Variants in CA4 observed in about 807,000 individuals in gnomAD.
CA4 encodes CA-IV.
CA4 carries 24 observed loss-of-function variants against 34.5 expected under a neutral mutation model. The observed-to-expected ratio is 0.70, with a 90% CI of 0.50 to 0.98. The LOEUF (loss-of-function observed/expected upper bound fraction) is 0.98, where lower values mean the gene tolerates loss of function less well. Ranked by LOEUF, CA4 falls within the 50% of genes least tolerant of loss-of-function variation. CA4 has a pLI of 0.00. For synonymous variants in CA4, 178 were observed against 170.6 expected (o/e 1.04, Z -0.34); for missense variants, 394 against 396.7 (o/e 0.99, Z 0.06).
downstream of CA4, among the ~76,000 whole-genome samples, chr17:60,162,316 T>C (rs771663609): frequency 5.9e-5 from 9 of 152,044 alleles, no homozygotes; most frequent in Non-Finnish European, 1.2e-4. Context: ...CATGACGAGC[T>C]TCCTGTTTTT....
chr17:60,150,310 T>C (rs954239594), intron 1 of CA4, among the ~76,000 whole-genome samples: 1 of 152,084 alleles, frequency 6.6e-6, no homozygotes, highest in African/African-American at 2.4e-5. Context: ...TGGGGGAGCG[T>C]GTGCACGGGT....
chr17:60,151,343 T>G (rs2083588630), intron 1 of CA4: 1 of 152,214 alleles, frequency 6.6e-6, no homozygotes, highest in South Asian at 2.1e-4. Context: ...AGGGACTGGC[T>G]GAGCTGTCTT....
chr17:60,169,071 A>AC (rs1486001959), intron 5 of CA4, among the ~76,000 whole-genome samples: 1 of 151,880 alleles, frequency 6.6e-6, no homozygotes. Flanking sequence ...ACATGGTGAA[A>AC]CCCCATCTCT....
intron 5 of CA4, among the ~76,000 whole-genome samples, chr17:60,168,558 CTT>C (rs56975820): frequency 1.1e-5 from 1 of 90,166 alleles, no homozygotes; most frequent in African/African-American, 4.4e-5. Context: ...AGGGTGATTT[CTT>C]TTTTTTTTTT....
Position 60,158,364 on chromosome 17 carries a change from T to G in CA4, c.662T>G (p.Leu221Arg), listed in dbSNP as rs773370676. 42 of 1,614,052 alleles carry G rather than the reference T, an allele frequency of 2.6e-5. No individual in the cohort carries two copies. Among genetic ancestry groups the G allele is most frequent in the Non-Finnish European group, 3.3e-5 (39 of 1,180,026 alleles). Reference sequence around the variant, plus strand: ...AAACTGAGGCACTACTTCCGCTACCTGGGCTCACTCACCACACCGACCTGC... The same window carrying G: ...AAACTGAGGCACTACTTCCGCTACCGGGGCTCACTCACCACACCGACCTGC... ...EEKLRHYFRY[L>R]GSLTTPTCDE... is the part of the protein sequence containing the mutation. The change falls in exon 7 of 8, where the codon CTG (leucine) becomes CGG (arginine). Residue 221 changes from leucine to arginine, a missense_variant. Transcript: ENST00000300900.
intron 2 of CA4, among the ~76,000 whole-genome samples, chr17:60,155,663 C>G (rs947726057): frequency 2.0e-5 from 3 of 151,630 alleles, no homozygotes; most frequent in African/African-American, 7.3e-5. Flanking sequence ...CACACTCACA[C>G]AAACCCACAC....
rs1029564251 is a variant in CA4, at chr17:60,152,656, C to T, written c.58+2564C>T. On this transcript the variant is annotated intron_variant, in intron 1 of 7. Coordinates refer to ENST00000300900, the MANE Select transcript of CA4 (RefSeq NM_000717.5). ...CTCCTGGAATGGCTGCCCCCGGGCC[C>T]TCCAGTCAGAGAAGAGGCCAGCCCA... Among the ~76,000 whole-genome samples the T allele has an allele frequency of 5.9e-5, 9 of 152,216 alleles. 1 individual carries two copies. Among genetic ancestry groups the T allele is most frequent in the Non-Finnish European group, 1.3e-4 (9 of 68,032 alleles).
At chr17:60,174,533 C>T (rs2083940238), downstream of CA4, among the ~76,000 whole-genome samples, 1 of 151,516 alleles carries the variant, frequency 6.6e-6, no homozygotes, top group Non-Finnish European at 1.5e-5. Context: ...CATTCTCTTA[C>T]ATTCTATTCC....
chr17:60,176,210 AAAAC>A, the CA4 span, among the ~76,000 whole-genome samples: 2 of 152,216 alleles, frequency 1.3e-5, no homozygotes, highest in African/African-American at 2.4e-5. Flanking sequence ...AGGAGGTAAA[AAAAC>A]AAACAACAAA....
At chr17:60,167,460 A>G (rs1161492345) in intron 5 of CA4, among the ~76,000 whole-genome samples, 3 of 152,252 alleles carry the variant, frequency 2.0e-5, no homozygotes, top group East Asian at 3.8e-4. Flanking sequence ...CGTCTTAGTC[A>G]TCAGAGCATC....
intron 3 of CA4, 104 bp from the exon 4 acceptor site, chr17:60,157,323 T>C: frequency 4.2e-6 from 4 of 961,672 alleles, no homozygotes; most frequent in South Asian, 1.3e-5. Context: ...CTCATGAAGG[T>C]TGGGAGGCAG....
At chr17:60,155,562 TACAA>T (rs1171604115) in intron 2 of CA4, among the ~76,000 whole-genome samples, 195 bp downstream of exon 2, 1 of 135,348 alleles carries the variant, frequency 7.4e-6, no homozygotes, top group Admixed American at 7.0e-5. Context: ...CACACAGATA[TACAA>T]ACACACACAC....
downstream of CA4, chr17:60,159,629 C>A (rs560507866): frequency 3.1e-6 from 2 of 641,180 alleles, no homozygotes; most frequent in East Asian, 5.5e-5. Context: ...TGTTCCAGGG[C>A]GGGGGCTTTA....
At position 60,159,380 on chromosome 17, in the gene CA4, C is replaced by T. The variant is rs1348563068; in HGVS notation, c.895C>T (p.Leu299=). Residue 299 remains leucine (L), a synonymous_variant, in exon 8 of 8, where the codon CTG becomes TTG. Transcript: ENST00000300900. ...GCTGCCCTGGGCCCTGCCTGCCCTG[C>T]TGGGCCCCATGCTGGCCTGCCTGCT... The part of the protein sequence containing the change: ...RPLPWALPAL[L]GPMLACLLAG... The T allele has an allele frequency of 6.2e-7, 1 of 1,612,436 alleles. No homozygotes were observed. The highest frequency in any genetic ancestry group is 2.2e-5 in the East Asian group (1 of 44,848).
At chr17:60,176,942 C>T in the CA4 span, among the ~76,000 whole-genome samples, 2 of 152,222 alleles carry the variant, frequency 1.3e-5, no homozygotes, top group African/African-American at 4.8e-5. Context: ...GCTGATCTAA[C>T]AGAGGCAGAG....
chr17:60,172,511 A>C (rs2083919429), downstream of CA4, among the ~76,000 whole-genome samples: 1 of 152,240 alleles, frequency 6.6e-6, no homozygotes, highest in African/African-American at 2.4e-5. Flanking sequence ...GAGAGAAATT[A>C]CAGCAAACAG....
chr17:60,162,046 C>G (rs529591843), downstream of CA4, among the ~76,000 whole-genome samples: 2 of 152,286 alleles, frequency 1.3e-5, no homozygotes, highest in South Asian at 4.1e-4. Context: ...CTCCCCATCC[C>G]CCTGGTCCCT....
In CA4 at chr17:60,157,509, C is replaced by T; in HGVS notation, c.351C>T (p.His117=). 2.5e-6 allele frequency: 4 copies of T among 1,614,214 alleles called. No homozygotes were observed. The South Asian group carries it at 3.3e-5, about 13-fold the overall frequency. ...ACCAGGCCAAACAGTTGCACCTGCA[C>T]TGGTCCGACTTGCCATATAAGGGCT... The part of the protein sequence containing the change: ...APYQAKQLHL[H]WSDLPYKGSE... The change falls in exon 4 of 8, where the codon CAC becomes CAT. Residue 117 remains histidine (H), a synonymous_variant. Transcript: ENST00000300900.
chr17:60,163,942 G>A (rs2083823812), downstream of CA4, among the ~76,000 whole-genome samples: 1 of 152,072 alleles, frequency 6.6e-6, no homozygotes, highest in Non-Finnish European at 1.5e-5. Flanking sequence ...ATCAGCCTGA[G>A]TAACTTAGGG....
Sources: gnomAD v4.1 joint callset for allele counts (sites outside exome capture counted in the v4.1 genomes callset) on GRCh38, gnomAD v4.1.1 for gene constraint, MANE v1.5 for transcripts, NCBI Gene and HGNC (gene_info 2026-07-23, HGNC 2026-07-21) for gene names.